ZNF512: variants seen among roughly 807,000 people sequenced by gnomAD.
ZNF512 encodes zinc finger protein 512.
ZNF512 carries 25 observed loss-of-function variants against 77.5 expected under a neutral mutation model. The ratio of observed to expected loss-of-function variants is 0.32; its 90% CI spans 0.23 to 0.45. The LOEUF is 0.45. Ranked by LOEUF, ZNF512 falls within the 20% of genes least tolerant of loss-of-function variation. The pLI, the probability that ZNF512 is intolerant of heterozygous loss-of-function variation, is 1.00. For missense variants in ZNF512, 483 were observed against 692.6 expected (o/e 0.70, Z 3.40); for synonymous variants, 246 against 239.9 (o/e 1.03, Z -0.24).
chr2:27,608,112 A>G, intron 10 of ZNF512, 73 bp downstream of exon 10: 7 of 1,391,036 alleles, frequency 5.0e-6, no homozygotes, highest in Non-Finnish European at 6.7e-6. Context: ...AGAGAAGTAA[A>G]TGCACTTGAG....
At chr2:27,595,547 G>A (rs1435169281) in intron 2 of ZNF512, among the ~76,000 whole-genome samples, 1 of 152,010 alleles carries the variant, frequency 6.6e-6, no homozygotes, top group Admixed American at 6.6e-5. Flanking sequence ...GGCTGGTCTC[G>A]AACTCCTGAC....
intron 10 of ZNF512, among the ~76,000 whole-genome samples, chr2:27,612,207 T>G (rs1672695425): frequency 6.6e-6 from 1 of 152,222 alleles, no homozygotes; most frequent in African/African-American, 2.4e-5. Flanking sequence ...AGTTGAGCGC[T>G]CTTTCAAGTG....
intron 2 of ZNF512, among the ~76,000 whole-genome samples, chr2:27,596,675 G>A (rs1192193122): frequency 2.0e-5 from 3 of 152,330 alleles, no homozygotes; most frequent in African/African-American, 7.2e-5. Context: ...CAGTGAGCAG[G>A]AGGGGTGGGC....
intron 2 of ZNF512, among the ~76,000 whole-genome samples, chr2:27,585,163 A>T (rs909594745): frequency 2.0e-5 from 3 of 152,252 alleles, no homozygotes; most frequent in African/African-American, 4.8e-5. Context: ...GGCTTTGGCC[A>T]TCAGGTGAAT....
At chr2:27,603,391 G>C in intron 9 of ZNF512, 84 bp downstream of exon 9, 1 of 1,426,666 alleles carries the variant, frequency 7.0e-7, no homozygotes. Flanking sequence ...ATATGTGTTT[G>C]GTTCCTCATT....
At chr2:27,600,939 AGGCTTT>A in intron 6 of ZNF512, 124 bp downstream of exon 6, 1 of 1,276,788 alleles carries the variant, frequency 7.8e-7, no homozygotes, top group Non-Finnish European at 1.0e-6. Flanking sequence ...AAGGAAACAT[AGGCTTT>A]GGATCTGACA....
intron 13 of ZNF512, among the ~76,000 whole-genome samples, chr2:27,618,596 AAAG>A (rs1339059272): frequency 6.6e-6 from 1 of 152,242 alleles, no homozygotes; most frequent in Non-Finnish European, 1.5e-5. Flanking sequence ...TCAGCAAAAG[AAAG>A]AAGGAGGGAA....
rs1449974623 is a variant in ZNF512 at position 27,622,404 on chromosome 2, C to G, written c.*943C>G. On this transcript the variant is annotated 3_prime_UTR_variant, in exon 14 of 14. Transcript: ENST00000355467. ...CCTGGACTTTACCTTACTTGTTAGT[C>G]TACGCCCCACTGTTTCCACCCATCC... The G allele has an allele frequency of 6.5e-6, 1 of 152,808 alleles. No homozygotes were observed. Among genetic ancestry groups the G allele is most frequent in the East Asian group, 1.9e-4 (1 of 5,338 alleles). The allele number at this position is 152,808 out of a possible 1,614,324, so 9.5% of individuals were successfully genotyped here.
intron 10 of ZNF512, among the ~76,000 whole-genome samples, chr2:27,612,766 G>A (rs187956776): frequency 7.6e-4 from 115 of 152,248 alleles, no homozygotes; most frequent in Non-Finnish European, 1.4e-3. Context: ...TTCATCTTGA[G>A]CCTTACAGTA....
chr2:27,607,551 A>G (rs1672426809), intron 9 of ZNF512, among the ~76,000 whole-genome samples: 1 of 152,080 alleles, frequency 6.6e-6, no homozygotes, highest in South Asian at 2.1e-4. Flanking sequence ...TGTTTTTAGT[A>G]GAGACAGGGT....
chr2:27,615,695 A>G (rs930999336), intron 11 of ZNF512, among the ~76,000 whole-genome samples: 6 of 152,244 alleles, frequency 3.9e-5, no homozygotes, highest in African/African-American at 1.4e-4. Context: ...TTTGCACAGC[A>G]TCACTTCCAT....
intron 13 of ZNF512, 113 bp downstream of exon 13, chr2:27,617,684 A>G: frequency 3.2e-6 from 2 of 624,362 alleles, no homozygotes; most frequent in Non-Finnish European, 5.9e-6. Context: ...AGTGGTTACC[A>G]GAGCCATTAG....
At chr2:27,591,863 T>C (rs911200578) in intron 2 of ZNF512, among the ~76,000 whole-genome samples, 1 of 152,250 alleles carries the variant, frequency 6.6e-6, no homozygotes, top group African/African-American at 2.4e-5. Context: ...TGTACTGCCT[T>C]GTGGCATTCT....
At chr2:27,610,569 T>TATATATATATACATA (rs70953871) in intron 10 of ZNF512, among the ~76,000 whole-genome samples, 10 of 15,802 alleles carry the variant, frequency 6.3e-4, no homozygotes, top group Middle Eastern at 0.023. Flanking sequence ...TATATATATA[T>TATATATATATACATA]TTTTTTTTTT....
At chr2:27,586,087 A>G (rs902961616) in intron 2 of ZNF512, among the ~76,000 whole-genome samples, 1 of 152,204 alleles carries the variant, frequency 6.6e-6, no homozygotes, top group African/African-American at 2.4e-5. Context: ...ATGCTTATTC[A>G]TAAGAGGGTA....
At chr2:27,608,122 G>T in intron 10 of ZNF512, 83 bp downstream of exon 10, 1 of 1,306,644 alleles carries the variant, frequency 7.7e-7, no homozygotes, top group South Asian at 1.6e-5. Context: ...ATGCACTTGA[G>T]GAAGTACGTG....
intron 2 of ZNF512, among the ~76,000 whole-genome samples, chr2:27,584,274 T>C (rs569867906): frequency 1.3e-5 from 2 of 152,310 alleles, no homozygotes; most frequent in South Asian, 4.1e-4. Context: ...TGCTCATAAA[T>C]ACACTGATGA....
At chr2:27,610,060 T>C (rs1374560194) in intron 10 of ZNF512, among the ~76,000 whole-genome samples, 5 of 149,900 alleles carry the variant, frequency 3.3e-5, no homozygotes, top group Non-Finnish European at 7.4e-5. Flanking sequence ...ATAATAAAAA[T>C]AAATAAATAA....
chr2:27,601,481 C>A, intron 7 of ZNF512, 39 bp downstream of exon 7: 3 of 1,215,314 alleles, frequency 2.5e-6, no homozygotes, highest in Non-Finnish European at 3.4e-6. Context: ...GTTTGGATGT[C>A]TTTTTTTTTT....
Sources: gnomAD v4.1 joint callset for allele counts (sites outside exome capture counted in the v4.1 genomes callset) on GRCh38, gnomAD v4.1.1 for gene constraint, MANE v1.5 for transcripts, NCBI Gene and HGNC (gene_info 2026-07-23, HGNC 2026-07-21) for gene names.